The following NCKAP5 variants were observed in gnomAD, a reference collection of about 807,000 sequenced individuals.
The protein encoded by NCKAP5 is NCK associated protein 5, also known as nck-associated protein 5.
NCKAP5 carries 92 observed loss-of-function variants against 167.0 expected under a neutral mutation model. The ratio of observed to expected loss-of-function variants is 0.55; its 90% CI spans 0.47 to 0.66. NCKAP5 has a LOEUF of 0.66. NCKAP5 is among the 30% of genes least tolerant of loss of function. The probability of loss-of-function intolerance (pLI) is 0.00; values close to 1 mark genes in which losing one functional copy is unlikely to be tolerated. For missense variants in NCKAP5, 2,378 were observed against 2,315.0 expected (o/e 1.03, Z -0.56); for synonymous variants, 891 against 877.4 (o/e 1.02, Z -0.27).
the NCKAP5 span, among the ~76,000 whole-genome samples, chr2:133,650,425 C>T: frequency 1.2e-4 from 19 of 152,258 alleles, no homozygotes; most frequent in African/African-American, 4.3e-4. Context: ...TGAGAAAGAA[C>T]TAAGCTATAA....
intron 19 of NCKAP5, among the ~76,000 whole-genome samples, chr2:132,723,251 T>C (rs1690121898): frequency 6.7e-6 from 1 of 150,206 alleles, no homozygotes; most frequent in Admixed American, 6.7e-5. Context: ...GTTCATGCCA[T>C]TCTCCTGCCT....
intron 4 of NCKAP5, among the ~76,000 whole-genome samples, chr2:133,226,169 G>A (rs889679952): frequency 1.1e-4 from 17 of 152,028 alleles, no homozygotes; most frequent in African/African-American, 3.4e-4. Flanking sequence ...TTGAATTCCT[G>A]GGCTCAAGTG....
chr2:133,553,761 G>A (rs1030992563), intron 2 of NCKAP5, among the ~76,000 whole-genome samples: 1 of 152,170 alleles, frequency 6.6e-6, no homozygotes, highest in Non-Finnish European at 1.5e-5. Flanking sequence ...AATAATTAAA[G>A]AGGCTATATA....
chr2:132,869,054 TC>T, intron 9 of NCKAP5, 80 bp from the exon 10 acceptor site: 3 of 1,035,484 alleles, frequency 2.9e-6, no homozygotes, highest in Non-Finnish European at 4.1e-6. Context: ...AATAAGTTTC[TC>T]GCAGCTTATT....
At position 132,790,112 on chromosome 2, in the gene NCKAP5, T is replaced by G; in HGVS notation, c.1003A>C (p.Ser335Arg). ...GTGCTTGAAAGAGACAGTTCACTGC[T>G]GCTACTGTAGCTGTTTCGAGGACAG... ...HLCPRNSYSS[S>R]SELSLSSTCS... is the part of the protein sequence containing the mutation. The change falls in exon 13 of 20, where the codon AGC (serine) becomes CGC (arginine). Residue 335 changes from serine to arginine, a missense_variant. Coordinates refer to ENST00000409261, the MANE Select transcript of NCKAP5 (RefSeq NM_207363.3). The G allele has an allele frequency of 6.2e-7, 1 of 1,613,652 alleles. No individual in the cohort carries two copies. Among genetic ancestry groups the G allele is most frequent in the Non-Finnish European group, 8.5e-7 (1 of 1,179,754 alleles).
chr2:133,496,977 T>C (rs1318488949), intron 3 of NCKAP5, among the ~76,000 whole-genome samples: 1 of 152,222 alleles, frequency 6.6e-6, no homozygotes, highest in Admixed American at 6.5e-5. Flanking sequence ...ACACAGATGA[T>C]ATTTCCAGTT....
rs142887436 is a variant in NCKAP5 at position 133,362,967 on chromosome 2, C to T, written c.70-59857G>A. 9.2e-3 allele frequency among the ~76,000 whole-genome samples: 1,398 copies of T among 151,694 alleles called. 21 individuals carry two copies. The highest frequency in any genetic ancestry group is 9.9e-3 in the Non-Finnish European group (674 of 67,866). ...TTTTTCGGTAGAGATGGGGTTTCAC[C>T]GTGTCAGCCAGGATGGTCTCGATCT... On this transcript the variant is annotated intron_variant, in intron 3 of 19. Coordinates refer to ENST00000409261, the MANE Select transcript of NCKAP5 (RefSeq NM_207363.3).
At chr2:133,250,165 T>G (rs1203787811) in intron 4 of NCKAP5, among the ~76,000 whole-genome samples, 2 of 151,908 alleles carry the variant, frequency 1.3e-5, no homozygotes, top group East Asian at 3.9e-4. Flanking sequence ...GCCTTTGAGG[T>G]TTTGTTTCAA....
At chr2:132,790,273 T>C (rs904175554) in intron 12 of NCKAP5, 68 bp from the exon 13 acceptor site, 6 of 1,390,622 alleles carry the variant, frequency 4.3e-6, no homozygotes, top group African/African-American at 2.9e-5. Context: ...CACAACCTTA[T>C]GGTGAGGTAG....
At chr2:133,129,853 A>G (rs554280254) in intron 6 of NCKAP5, 125 bp downstream of exon 6, 1 of 1,161,752 alleles carries the variant, frequency 8.6e-7, no homozygotes, top group African/African-American at 1.6e-5. Context: ...CAGAAGGTCT[A>G]AATGGTTGGT....
intron 3 of NCKAP5, among the ~76,000 whole-genome samples, chr2:133,506,804 A>G (rs1203516322): frequency 6.6e-6 from 1 of 152,158 alleles, no homozygotes; most frequent in African/African-American, 2.4e-5. Flanking sequence ...TGAGTGTGCA[A>G]TGTGTCTCCT....
chr2:132,974,154 A>T (rs1172865044), intron 7 of NCKAP5, among the ~76,000 whole-genome samples: 1 of 152,176 alleles, frequency 6.6e-6, no homozygotes, highest in Non-Finnish European at 1.5e-5. Context: ...TAGTTTTTTA[A>T]CTTGATGGCA....
chr2:133,602,177 G>C, the NCKAP5 span, among the ~76,000 whole-genome samples: 1 of 152,138 alleles, frequency 6.6e-6, no homozygotes, highest in South Asian at 2.1e-4. Flanking sequence ...TCTGGGATGT[G>C]GGATCAGAAA....
chr2:132,877,901 T>G (rs1691408517), intron 9 of NCKAP5, among the ~76,000 whole-genome samples: 1 of 152,236 alleles, frequency 6.6e-6, no homozygotes, highest in African/African-American at 2.4e-5. Context: ...CCAGACGAAA[T>G]GCAGTTCTTC....
At chr2:133,614,119 T>C in the NCKAP5 span, among the ~76,000 whole-genome samples, 1 of 152,078 alleles carries the variant, frequency 6.6e-6, no homozygotes, top group African/African-American at 2.4e-5. Context: ...CGCAGAGCCT[T>C]TGAAGAAACT....
chr2:133,413,331 A>G (rs184733522), intron 3 of NCKAP5, among the ~76,000 whole-genome samples: 13 of 152,352 alleles, frequency 8.5e-5, no homozygotes, highest in Non-Finnish European at 8.8e-5. Flanking sequence ...GGTCCCCTAA[A>G]TCTAGCCAGA....
intron 2 of NCKAP5, among the ~76,000 whole-genome samples, chr2:133,519,623 A>G (rs561921322): frequency 4.4e-4 from 67 of 152,334 alleles, no homozygotes; most frequent in African/African-American, 1.5e-3. Context: ...CCCAAAGAGC[A>G]TGGGAGTTTG....
At chr2:132,974,758 G>T (rs1163656023) in intron 7 of NCKAP5, among the ~76,000 whole-genome samples, 4 of 152,174 alleles carry the variant, frequency 2.6e-5, no homozygotes, top group African/African-American at 9.7e-5. Context: ...ATTCCTCTAC[G>T]GAGTTGGTGT....
intron 3 of NCKAP5, among the ~76,000 whole-genome samples, chr2:133,453,876 A>G (rs1401060041): frequency 6.6e-6 from 1 of 151,656 alleles, no homozygotes; most frequent in African/African-American, 2.4e-5. Context: ...AAAACAAGAA[A>G]GAATTACAGG....
Sources: allele counts gnomAD v4.1 joint callset (sites outside exome capture counted in the v4.1 genomes callset), GRCh38; gene constraint gnomAD v4.1.1; transcripts MANE v1.5; gene names NCBI Gene and HGNC (gene_info 2026-07-23, HGNC 2026-07-21).